The following WWC1 variants were observed in gnomAD, a reference collection of about 807,000 sequenced individuals.
WWC1 encodes the protein WW and C2 domain containing 1, also known as protein KIBRA.
Under a neutral mutation model 138.4 loss-of-function variants are expected in WWC1, and 55 were observed. The observed-to-expected ratio is 0.40, with a 90% CI of 0.32 to 0.50. The LOEUF (loss-of-function observed/expected upper bound fraction) is 0.50, where lower values mean the gene tolerates loss of function less well. Ranked by LOEUF, WWC1 falls within the 20% of genes least tolerant of loss-of-function variation. WWC1 has a pLI of 0.72. For missense variants in WWC1, 1,226 were observed against 1,420.4 expected, an observed-to-expected ratio of 0.86 and a Z score of 2.20; for synonymous variants, 524 against 564.9, an observed-to-expected ratio of 0.93 and a Z score of 1.03.
chr5:168,423,566 C>A lies in WWC1; in HGVS notation c.1308C>A (p.Gly436=). 1 of 1,613,600 alleles carries A rather than the reference C, an allele frequency of 6.2e-7. No individual in the cohort carries two copies. Among genetic ancestry groups the A allele is most frequent in the Non-Finnish European group, 8.5e-7 (1 of 1,179,762 alleles). The change falls in exon 11 of 23, where the codon GGC becomes GGA. Residue 436 remains glycine, a synonymous_variant. Coordinates refer to ENST00000265293, the MANE Select transcript of WWC1 (RefSeq NM_015238.3). ...LSSSMQSLSS[G]SSPGSLTSSR... ...GCAGCATGCAGTCCCTGTCCTCAGG[C>A]AGCAGCCCCGGATCCCTCACGTCCA...
Position 168,403,014 on chromosome 5 carries a change from CTT to C in WWC1, c.591-3182_591-3181del, listed in dbSNP as rs1261298437. Among the ~76,000 whole-genome samples the C allele has an allele frequency of 2.5e-3, 178 of 70,808 alleles. 1 individual carries two copies. Among genetic ancestry groups the C allele is most frequent in the South Asian group, 8.0e-3 (19 of 2,378 alleles). 46.5% of individuals were successfully genotyped at this position (70,808 alleles called of 152,430 possible). A position where few individuals can be genotyped will look rare whatever the true frequency, so the allele number is the denominator to read the frequency against. ...AAAGCTCTGTTGTTTCTTTTTCTTT[CTT>C]TCTTTCTTTCTTTCTTTCTTTCTTT... On this transcript the variant is annotated intron_variant, in intron 5 of 22. Transcript: ENST00000265293.
chr5:168,426,865 C>T (rs183147774), intron 11 of WWC1, among the ~76,000 whole-genome samples: 4 of 152,344 alleles, frequency 2.6e-5, no homozygotes, highest in Admixed American at 6.5e-5. Flanking sequence ...TGGCCTTCCC[C>T]GCTGCAAGGA....
chr5:168,430,087 G>C, intron 13 of WWC1, 50 bp from the exon 14 acceptor site: 7 of 1,409,268 alleles, frequency 5.0e-6, no homozygotes, highest in Non-Finnish European at 7.0e-6. Context: ...AGGAATGAGA[G>C]AGATGAGTGT....
At chr5:168,330,022 A>G (rs924400524) in intron 1 of WWC1, among the ~76,000 whole-genome samples, 1 of 152,102 alleles carries the variant, frequency 6.6e-6, no homozygotes, top group African/African-American at 2.4e-5. Context: ...AGGCATGAGA[A>G]TCCCTTGAAC....
In WWC1 at chr5:168,365,123, A is replaced by T. The variant is rs549186268; in HGVS notation, c.120-6301A>T. ...CCTCCCCGGAGCTAAAGGTGAAGGG[A>T]CTGCTTAGAAATGGTGTTCTGCAGC... On this transcript the variant is annotated intron_variant, in intron 1 of 22. Transcript: ENST00000265293. 1.6e-4 allele frequency among the ~76,000 whole-genome samples: 25 copies of T among 152,312 alleles called. 1 individual carries two copies. In the South Asian group the frequency reaches 4.8e-3, roughly 29 times the overall value.
chr5:168,398,839 G>C (rs1779104767), intron 4 of WWC1, among the ~76,000 whole-genome samples: 1 of 152,174 alleles, frequency 6.6e-6, no homozygotes, highest in South Asian at 2.1e-4. Flanking sequence ...TCCAGCCCAT[G>C]CTGGAATGTG....
At chr5:168,330,797 G>T (rs772740825) in intron 1 of WWC1, among the ~76,000 whole-genome samples, 25 of 152,182 alleles carry the variant, frequency 1.6e-4, no homozygotes, top group Non-Finnish European at 3.1e-4. Context: ...AATTGAGGAA[G>T]CCAGAGGTGG....
chr5:168,399,743 G>T (rs1485772358), intron 5 of WWC1, among the ~76,000 whole-genome samples, 176 bp downstream of exon 5: 1 of 152,092 alleles, frequency 6.6e-6, no homozygotes, highest in Non-Finnish European at 1.5e-5. Context: ...CCACCCAAGG[G>T]TGGGGTTTGG....
At chr5:168,453,870 T>G in intron 17 of WWC1, 98 bp from the exon 18 acceptor site, 2 of 1,559,702 alleles carry the variant, frequency 1.3e-6, no homozygotes, top group Non-Finnish European at 1.7e-6. Flanking sequence ...TCTTCAATCA[T>G]CAAAAGGATT....
chr5:168,456,674 A>T (rs1756351695), intron 19 of WWC1, among the ~76,000 whole-genome samples: 1 of 149,610 alleles, frequency 6.7e-6, no homozygotes, highest in Non-Finnish European at 1.5e-5. Flanking sequence ...AAAAGCCCTT[A>T]AGACAATGGA....
At chr5:168,372,782 A>G (rs1030148352) in intron 2 of WWC1, among the ~76,000 whole-genome samples, 1 of 152,144 alleles carries the variant, frequency 6.6e-6, no homozygotes. Context: ...TGTGCCCTTC[A>G]TCACCCTGTA....
chr5:168,439,470 CAA>C (rs34911162), intron 15 of WWC1, among the ~76,000 whole-genome samples: 45,998 of 137,036 alleles, frequency 0.34, 8,076 homozygotes, highest in South Asian at 0.48. Flanking sequence ...ACTAAAAATA[CAA>C]AAAAAAAAAA....
chr5:168,452,979 C>A (rs1026281907), intron 17 of WWC1, among the ~76,000 whole-genome samples: 1 of 152,226 alleles, frequency 6.6e-6, no homozygotes, highest in Non-Finnish European at 1.5e-5. Context: ...AATCCCAACA[C>A]TTTGGGAGGC....
intron 17 of WWC1, among the ~76,000 whole-genome samples, chr5:168,449,571 T>G (rs1447956857): frequency 1.4e-3 from 5 of 3,622 alleles, no homozygotes; most frequent in Admixed American, 7.2e-3. Flanking sequence ...TTAACAGCTC[T>G]TTTTTTTTTT....
intron 1 of WWC1, among the ~76,000 whole-genome samples, chr5:168,368,262 C>T (rs2152805239): frequency 6.6e-6 from 1 of 152,148 alleles, no homozygotes; most frequent in Admixed American, 6.5e-5. Flanking sequence ...GGCCAGAACA[C>T]TTCATCTTTT....
chr5:168,394,492 G>A (rs943141829), intron 3 of WWC1, among the ~76,000 whole-genome samples: 6 of 151,936 alleles, frequency 3.9e-5, no homozygotes, highest in Non-Finnish European at 5.9e-5. Context: ...TTGGGGGGCC[G>A]AGGCGGGTGG....
intron 1 of WWC1, among the ~76,000 whole-genome samples, chr5:168,334,569 T>A (rs1469325155): frequency 6.6e-6 from 1 of 151,864 alleles, no homozygotes. Context: ...CCATTTACAG[T>A]CTCATGCTCC....
At chr5:168,449,929 G>A (rs1755646842) in intron 17 of WWC1, among the ~76,000 whole-genome samples, 1 of 152,196 alleles carries the variant, frequency 6.6e-6, no homozygotes, top group African/African-American at 2.4e-5. Context: ...GGAGAGCCAA[G>A]GCCCCTCCAC....
intron 3 of WWC1, among the ~76,000 whole-genome samples, chr5:168,397,242 A>C (rs1778971929): frequency 6.6e-6 from 1 of 151,788 alleles, no homozygotes; most frequent in African/African-American, 2.4e-5. Flanking sequence ...TCTCAGGTTC[A>C]AGCAATTCTC....
Sources: allele counts gnomAD v4.1 joint callset (sites outside exome capture counted in the v4.1 genomes callset), GRCh38; gene constraint gnomAD v4.1.1; transcripts MANE v1.5; gene names NCBI Gene and HGNC (gene_info 2026-07-23, HGNC 2026-07-21).